The following NDUFAF6 variants were observed in gnomAD, a reference collection of about 807,000 sequenced individuals.
NDUFAF6 encodes NADH dehydrogenase (ubiquinone) complex I, assembly factor 6.
A neutral mutation model predicts 40.8 loss-of-function variants in NDUFAF6; 45 were observed. The ratio of observed to expected loss-of-function variants is 1.10; its 90% CI spans 0.87 to 1.42. The LOEUF (loss-of-function observed/expected upper bound fraction) is 1.42, where lower values mean the gene tolerates loss of function less well. Among genes scored for constraint, NDUFAF6 ranks in the 40% most tolerant of loss-of-function variants. The pLI is 0.00. For missense variants in NDUFAF6, 435 were observed against 418.5 expected (o/e 1.04, Z -0.34); for synonymous variants, 185 against 155.9 (o/e 1.19, Z -1.39).
chr8:95,102,538 G>A (rs555571698), intron 2 of NDUFAF6, among the ~76,000 whole-genome samples: 16 of 152,346 alleles, frequency 1.1e-4, no homozygotes, highest in African/African-American at 3.8e-4. Flanking sequence ...TGACAGAGGA[G>A]TTGCTGTTAT....
chr8:94,947,882 G>A (rs568417492), intron 2 of NDUFAF6, among the ~76,000 whole-genome samples: 1 of 152,348 alleles, frequency 6.6e-6, no homozygotes, highest in African/African-American at 2.4e-5. Context: ...TATGCTGCCA[G>A]TTCAGAATTA....
At chr8:95,095,290 G>A (rs1366369387) in intron 2 of NDUFAF6, among the ~76,000 whole-genome samples, 2 of 152,172 alleles carry the variant, frequency 1.3e-5, no homozygotes, top group Admixed American at 6.5e-5. Context: ...CCAACCCAGA[G>A]ATGGGGGTGA....
chr8:95,042,081 G>A (rs2131856482), intron 4 of NDUFAF6, among the ~76,000 whole-genome samples: 1 of 152,260 alleles, frequency 6.6e-6, no homozygotes, highest in East Asian at 1.9e-4. Context: ...TCAAATACTT[G>A]ATTAGTCATA....
At chr8:94,986,187 T>A (rs888907134) in intron 2 of NDUFAF6, among the ~76,000 whole-genome samples, 1 of 152,170 alleles carries the variant, frequency 6.6e-6, no homozygotes, top group African/African-American at 2.4e-5. Context: ...TTTCTATTTT[T>A]AAAAAATCTC....
chr8:94,971,834 A>G (rs1340697890), intron 1 of NDUFAF6, among the ~76,000 whole-genome samples: 1 of 152,028 alleles, frequency 6.6e-6, no homozygotes, highest in Non-Finnish European at 1.5e-5. Context: ...GCTACTCGGG[A>G]GGCTGAGGCA....
chr8:95,078,960 T>G (rs1258755876), downstream of NDUFAF6, among the ~76,000 whole-genome samples: 1 of 152,092 alleles, frequency 6.6e-6, no homozygotes. Flanking sequence ...TACTCACCTA[T>G]TGAAGGACAT....
Position 95,045,933 on chromosome 8 carries a change from A to G in NDUFAF6, c.580+286A>G, listed in dbSNP as rs894435434. 2.6e-5 allele frequency among the ~76,000 whole-genome samples: 4 copies of G among 152,152 alleles called. No individual in the cohort carries two copies. The East Asian group carries it at 7.7e-4, about 29-fold the overall frequency. On this transcript the variant is annotated intron_variant, in intron 5 of 8. Transcript: ENST00000396124. Reference sequence around the variant, plus strand: ...TTGCAAGTGGCTTTACTTTTTTACTATAGCATCTCCTACAATTTGGAAGGC... The same window carrying G: ...TTGCAAGTGGCTTTACTTTTTTACTGTAGCATCTCCTACAATTTGGAAGGC...
chr8:95,082,631 T>G (rs112600768), intron 2 of NDUFAF6, among the ~76,000 whole-genome samples: 38 of 135,214 alleles, frequency 2.8e-4, no homozygotes, highest in African/African-American at 1.2e-3. Flanking sequence ...TTAGCATTCT[T>G]TTTGTTTGTT....
At chr8:94,935,761 G>C (rs1432613574) in intron 1 of NDUFAF6, among the ~76,000 whole-genome samples, 2 of 152,184 alleles carry the variant, frequency 1.3e-5, no homozygotes, top group Non-Finnish European at 2.9e-5. Flanking sequence ...AAATGCAAGG[G>C]TTGATAGAAT....
intron 1 of NDUFAF6, among the ~76,000 whole-genome samples, chr8:94,897,186 G>A (rs1485269817): frequency 6.6e-6 from 1 of 152,186 alleles, no homozygotes; most frequent in Non-Finnish European, 1.5e-5. Flanking sequence ...AGTAACGTTT[G>A]TGGGAATCAT....
At chr8:94,898,122 C>T (rs1177486457) in intron 1 of NDUFAF6, among the ~76,000 whole-genome samples, 1 of 152,206 alleles carries the variant, frequency 6.6e-6, no homozygotes, top group Admixed American at 6.5e-5. Context: ...ACCCACCACA[C>T]ATGCACAGTT....
intron 4 of NDUFAF6, among the ~76,000 whole-genome samples, chr8:95,110,760 C>T (rs1010758659): frequency 2.0e-5 from 3 of 152,154 alleles, no homozygotes; most frequent in Admixed American, 2.0e-4. Flanking sequence ...TGTTGTTATC[C>T]AATCTTCTAA....
chr8:94,939,733 C>A, intron 1 of NDUFAF6: 1 of 1,318,868 alleles, frequency 7.6e-7, no homozygotes, highest in Non-Finnish European at 1.1e-6. Flanking sequence ...GTGTACTATG[C>A]ACATGCTTTC....
intron 6 of NDUFAF6, among the ~76,000 whole-genome samples, chr8:95,047,613 G>A (rs1254607009): frequency 7.3e-5 from 11 of 150,244 alleles, no homozygotes; most frequent in African/African-American, 2.4e-4. Flanking sequence ...GGGTTAAAGC[G>A]ATTCTTCTGC....
At chr8:94,931,985 A>G (rs1464638674) in intron 1 of NDUFAF6, 1 of 1,366,336 alleles carries the variant, frequency 7.3e-7, no homozygotes, top group Non-Finnish European at 1.0e-6. Flanking sequence ...AAAAGAAAGA[A>G]AGTCATTTTT....
chr8:94,917,609 G>T lies in NDUFAF6; in HGVS notation c.-936+21682G>T, dbSNP rs78165725. 8.4e-3 allele frequency among the ~76,000 whole-genome samples: 1,278 copies of T among 152,160 alleles called. 10 individuals are homozygous for T. Among genetic ancestry groups the T allele is most frequent in the Non-Finnish European group, 0.013 (882 of 67,982 alleles). ...TTAAAATAGAAAATTCAACCACAAA[G>T]AATCTCTCAGTCTTAGAAAAAATTT... On this transcript the variant is annotated intron_variant, in intron 1 of 14. Coordinates refer to the NDUFAF6 transcript ENST00000396113.
At chr8:95,066,966 G>T (rs1489483423) in intron 9 of NDUFAF6, 3 of 152,228 alleles carry the variant, frequency 2.0e-5, no homozygotes, top group African/African-American at 4.8e-5. Flanking sequence ...GGGCCCAACT[G>T]AGGAATGTGA....
At chr8:95,031,672 T>C (rs1587025724) in intron 1 of NDUFAF6, among the ~76,000 whole-genome samples, 1 of 152,198 alleles carries the variant, frequency 6.6e-6, no homozygotes, top group Admixed American at 6.5e-5. Flanking sequence ...CAATCTGGGC[T>C]CACTGTGACC....
chr8:95,003,065 G>A (rs1008273366), intron 2 of NDUFAF6, among the ~76,000 whole-genome samples: 1 of 152,190 alleles, frequency 6.6e-6, no homozygotes, highest in Non-Finnish European at 1.5e-5. Flanking sequence ...AGAGATGCTT[G>A]TAGGCTCAGC....
Sources: allele counts gnomAD v4.1 joint callset (sites outside exome capture counted in the v4.1 genomes callset), GRCh38; gene constraint gnomAD v4.1.1; transcripts MANE v1.5; gene names NCBI Gene and HGNC (gene_info 2026-07-23, HGNC 2026-07-21).